CENPP: variants seen among roughly 807,000 people sequenced by gnomAD.
CENPP encodes the protein centromere protein P.
Under a neutral mutation model 35.6 loss-of-function variants are expected in CENPP, and 24 were observed. The observed-to-expected ratio is 0.67, with a 90% confidence interval of 0.49 to 0.95. The LOEUF (loss-of-function observed/expected upper bound fraction) is 0.95. Ranked by LOEUF, CENPP falls within the 40% of genes least tolerant of loss-of-function variation. The pLI, the probability that CENPP is intolerant of heterozygous loss-of-function variation, is 0.00. For missense variants in CENPP, 332 were observed against 345.3 expected (o/e 0.96, Z 0.31); for synonymous variants, 120 against 125.5 (o/e 0.96, Z 0.29).
At chr9:92,557,675 G>T (rs893837096) in intron 5 of CENPP, among the ~76,000 whole-genome samples, 2 of 152,058 alleles carry the variant, frequency 1.3e-5, no homozygotes, top group African/African-American at 4.8e-5. Context: ...ACAGAGTCTT[G>T]CTCTGTCGCC....
At chr9:92,360,269 T>C (rs1478297621) in intron 4 of CENPP, among the ~76,000 whole-genome samples, 1 of 152,232 alleles carries the variant, frequency 6.6e-6, no homozygotes, top group Non-Finnish European at 1.5e-5. Flanking sequence ...TATAGTCTTG[T>C]GGTCCTATAA....
At chr9:92,355,175 C>T (rs938506389) in intron 4 of CENPP, among the ~76,000 whole-genome samples, 1 of 152,094 alleles carries the variant, frequency 6.6e-6, no homozygotes, top group African/African-American at 2.4e-5. Context: ...AGTTTTTCCC[C>T]ACCCTAGTAA....
At chr9:92,442,953 T>G (rs559191242) in intron 5 of CENPP, among the ~76,000 whole-genome samples, 1 of 152,076 alleles carries the variant, frequency 6.6e-6, no homozygotes, top group South Asian at 2.1e-4. Context: ...TATCTGCCAC[T>G]AACATAACAT....
chr9:92,402,260 C>T (rs1481019803), intron 5 of CENPP, among the ~76,000 whole-genome samples: 1 of 151,942 alleles, frequency 6.6e-6, no homozygotes, highest in African/African-American at 2.4e-5. Context: ...AAAAATAATG[C>T]TATCATATTA....
intron 5 of CENPP, among the ~76,000 whole-genome samples, chr9:92,556,453 G>A (rs1413311973): frequency 6.6e-6 from 1 of 152,032 alleles, no homozygotes; most frequent in East Asian, 1.9e-4. Flanking sequence ...CACTATTATT[G>A]TGTTGCTGTC....
intron 5 of CENPP, among the ~76,000 whole-genome samples, chr9:92,441,699 C>T (rs1418008397): frequency 6.6e-6 from 1 of 152,100 alleles, no homozygotes; most frequent in Non-Finnish European, 1.5e-5. Context: ...GTGGAGGTTG[C>T]AGTGAGCCGA....
chr9:92,357,911 A>G (rs984970415), intron 4 of CENPP, among the ~76,000 whole-genome samples: 4 of 151,724 alleles, frequency 2.6e-5, no homozygotes, highest in Admixed American at 2.6e-4. Context: ...TGGCCTCCAT[A>G]CTTTCTGATG....
At chr9:92,499,354 G>A (rs1196477498) in intron 5 of CENPP, among the ~76,000 whole-genome samples, 4 of 152,158 alleles carry the variant, frequency 2.6e-5, no homozygotes, top group African/African-American at 9.7e-5. Context: ...AGCCCTAGTT[G>A]ATGAGCAAAA....
chr9:92,344,504 A>G (rs981308213), intron 3 of CENPP, among the ~76,000 whole-genome samples: 3 of 152,048 alleles, frequency 2.0e-5, no homozygotes, highest in African/African-American at 7.2e-5. Flanking sequence ...ATTTATTTGG[A>G]ATCCAAGCTT....
At chr9:92,426,760 AATAG>A (rs891048785) in intron 5 of CENPP, among the ~76,000 whole-genome samples, 22 of 152,306 alleles carry the variant, frequency 1.4e-4, no homozygotes, top group African/African-American at 4.8e-4. Context: ...TTCATGTGGT[AATAG>A]ATTAGAGTTG....
chr9:92,409,033 A>C (rs751157443), intron 5 of CENPP, among the ~76,000 whole-genome samples: 3 of 152,200 alleles, frequency 2.0e-5, no homozygotes, highest in Non-Finnish European at 4.4e-5. Context: ...ATTATGACTC[A>C]ATGTAAGGAA....
chr9:92,542,085 C>T (rs1849331317), intron 5 of CENPP, among the ~76,000 whole-genome samples: 1 of 152,210 alleles, frequency 6.6e-6, no homozygotes, highest in Non-Finnish European at 1.5e-5. Context: ...AGCCACTGCA[C>T]CCAGCCTGTG....
chr9:92,453,597 C>G lies in CENPP; in HGVS notation c.564+73738C>G, dbSNP rs149785421. Among the ~76,000 whole-genome samples, 1,069 of 152,166 alleles carry G rather than the reference C, an allele frequency of 7.0e-3. 11 individuals carry two copies. The highest frequency in any genetic ancestry group is 0.022 in the African/African-American group (899 of 41,522). The stretch of plus-strand genomic sequence containing the variant: ...TTCTGTTGATTTGGGGTGGAGAGTT[C>G]TGTAGATGTCTATTAGAGACTTAGA... On this transcript the variant is annotated intron_variant, in intron 5 of 7. Transcript: ENST00000375587.
chr9:92,336,379 G>GTGCT (rs757766342), intron 2 of CENPP, among the ~76,000 whole-genome samples: 61 of 152,204 alleles, frequency 4.0e-4, no homozygotes, highest in Non-Finnish European at 6.8e-4. Context: ...AAGGTACTTG[G>GTGCT]TGCTGCTGAC....
intron 5 of CENPP, among the ~76,000 whole-genome samples, chr9:92,557,268 T>C (rs1849746507): frequency 6.6e-6 from 1 of 152,218 alleles, no homozygotes; most frequent in East Asian, 1.9e-4. Flanking sequence ...TCCTTCATCT[T>C]AACTTTGGAT....
rs1564025874 is a variant in CENPP, at chr9:92,618,584, G to A, written c.*5435G>A. ...GGTTTTCTCTCATCGAACACCACCAGCTTAATCCAGTTAAGGAATTCCTCA... is the reference window on the plus strand; with the variant it reads ...GGTTTTCTCTCATCGAACACCACCAACTTAATCCAGTTAAGGAATTCCTCA... On this transcript the variant is annotated 3_prime_UTR_variant, in exon 8 of 8. Transcript: ENST00000375587. 2.2e-6 allele frequency: 1 copy of A among 456,622 alleles called. No individual in the cohort carries two copies. Among genetic ancestry groups the A allele is most frequent in the Middle Eastern group, 3.3e-4 (1 of 3,076 alleles). 28.3% of individuals were successfully genotyped at this position (456,622 alleles called of 1,614,324 possible). A position where few individuals can be genotyped will look rare whatever the true frequency, so the allele number is the denominator to read the frequency against.
chr9:92,408,043 A>G (rs1564304804), intron 5 of CENPP, among the ~76,000 whole-genome samples: 1 of 152,224 alleles, frequency 6.6e-6, no homozygotes, highest in Non-Finnish European at 1.5e-5. Context: ...CTTAATTCTG[A>G]TAGAGACCAT....
chr9:92,442,892 A>T (rs905517422), intron 5 of CENPP, among the ~76,000 whole-genome samples: 12 of 151,960 alleles, frequency 7.9e-5, no homozygotes, highest in Non-Finnish European at 1.8e-4. Flanking sequence ...CACCATTATG[A>T]TGAAAATTTT....
At chr9:92,463,894 T>C (rs994602121) in intron 5 of CENPP, among the ~76,000 whole-genome samples, 1 of 152,232 alleles carries the variant, frequency 6.6e-6, no homozygotes, top group African/African-American at 2.4e-5. Context: ...CTTTAGATGA[T>C]CTTTAGGTGA....
Sources: allele counts gnomAD v4.1 joint callset (sites outside exome capture counted in the v4.1 genomes callset), GRCh38; gene constraint gnomAD v4.1.1; transcripts MANE v1.5; gene names NCBI Gene and HGNC (gene_info 2026-07-23, HGNC 2026-07-21).